The following SORCS3 variants were observed in gnomAD, a reference collection of about 807,000 sequenced individuals.
SORCS3 encodes sortilin related VPS10 domain containing receptor 3, also known as VPS10 domain-containing receptor SorCS3.
SORCS3 carries 57 observed loss-of-function variants against 146.3 expected under a neutral mutation model. That is an observed-to-expected ratio of 0.39 (90% confidence interval 0.31 to 0.49). The LOEUF (loss-of-function observed/expected upper bound fraction) is 0.49. Among genes scored for constraint, SORCS3 ranks in the 20% least tolerant of loss-of-function variants. The pLI is 0.92. For synonymous variants in SORCS3, 653 were observed against 618.5 expected (o/e 1.06, Z -0.83); for missense variants, 1,341 against 1,575.5 (o/e 0.85, Z 2.52).
At chr10:104,693,711 T>A (rs902684911) in intron 1 of SORCS3, among the ~76,000 whole-genome samples, 1 of 152,166 alleles carries the variant, frequency 6.6e-6, no homozygotes, top group African/African-American at 2.4e-5. Flanking sequence ...GCTTCAGGAA[T>A]AACAGGTCCA....
At chr10:104,922,114 A>T (rs1026756960) in intron 3 of SORCS3, among the ~76,000 whole-genome samples, 3 of 152,310 alleles carry the variant, frequency 2.0e-5, no homozygotes, top group South Asian at 2.1e-4. Context: ...TGGATACAAC[A>T]CATAACCCTG....
At chr10:104,878,458 T>C (rs2018598536) in intron 2 of SORCS3, among the ~76,000 whole-genome samples, 1 of 152,200 alleles carries the variant, frequency 6.6e-6, no homozygotes, top group African/African-American at 2.4e-5. Context: ...AGGTACTTGA[T>C]GTTCAAGAAG....
intron 20 of SORCS3, among the ~76,000 whole-genome samples, chr10:105,244,475 G>A (rs558858719): frequency 1.1e-4 from 17 of 152,088 alleles, no homozygotes; most frequent in African/African-American, 4.1e-4. Context: ...GGTCTACAGT[G>A]GGATTGGAGT....
chr10:104,853,820 A>G (rs2018300154), intron 2 of SORCS3, among the ~76,000 whole-genome samples: 1 of 152,220 alleles, frequency 6.6e-6, no homozygotes, highest in South Asian at 2.1e-4. Context: ...AATATGTACA[A>G]TTTTAAAGAA....
At chr10:104,908,476 T>TA in intron 2 of SORCS3, among the ~76,000 whole-genome samples, 1 of 152,328 alleles carries the variant, frequency 6.6e-6, no homozygotes, top group East Asian at 1.9e-4. Flanking sequence ...AGGTATCTTA[T>TA]TACTCTTCAT....
chr10:105,017,339 A>G (rs1478370248), intron 4 of SORCS3, among the ~76,000 whole-genome samples: 1 of 152,176 alleles, frequency 6.6e-6, no homozygotes, highest in Non-Finnish European at 1.5e-5. Context: ...GTGAAAGAAT[A>G]GGAAGGTGGT....
At chr10:104,707,770 A>G (rs1337585127) in intron 1 of SORCS3, among the ~76,000 whole-genome samples, 2 of 152,182 alleles carry the variant, frequency 1.3e-5, no homozygotes, top group South Asian at 2.1e-4. Flanking sequence ...CCTCCTGCCT[A>G]TTTCCGAAAC....
chr10:105,098,812 C>T (rs1037231909), intron 6 of SORCS3, among the ~76,000 whole-genome samples: 15 of 152,202 alleles, frequency 9.9e-5, no homozygotes, highest in Middle Eastern at 3.2e-3. Context: ...TATTCAGGGT[C>T]AGTTTATTTA....
chr10:104,908,328 C>T (rs1459383192), intron 2 of SORCS3, among the ~76,000 whole-genome samples: 7 of 152,136 alleles, frequency 4.6e-5, no homozygotes, highest in Middle Eastern at 3.2e-3. Flanking sequence ...TGTGCCTCAC[C>T]CCTATTAAGT....
At chr10:105,194,836 C>T (rs1589682683) in intron 14 of SORCS3, among the ~76,000 whole-genome samples, 1 of 152,126 alleles carries the variant, frequency 6.6e-6, no homozygotes, top group Non-Finnish European at 1.5e-5. Flanking sequence ...GGGCCAGCAA[C>T]ATCAGCATCA....
chr10:104,829,831 A>AT (rs1160440050), intron 1 of SORCS3, among the ~76,000 whole-genome samples: 1 of 152,042 alleles, frequency 6.6e-6, no homozygotes, highest in Non-Finnish European at 1.5e-5. Flanking sequence ...TCTCCTTGAT[A>AT]TCCTTGTATC....
intron 8 of SORCS3, among the ~76,000 whole-genome samples, chr10:105,141,731 T>C (rs534607220): frequency 5.3e-5 from 8 of 152,264 alleles, no homozygotes; most frequent in African/African-American, 1.9e-4. Flanking sequence ...GTTGGTGCTC[T>C]TAGTCCAACA....
intron 16 of SORCS3, among the ~76,000 whole-genome samples, chr10:105,209,965 G>A (rs1443674091): frequency 6.6e-6 from 1 of 152,070 alleles, no homozygotes; most frequent in Non-Finnish European, 1.5e-5. Flanking sequence ...CCCAAAGACT[G>A]AAAAACCTTT....
At chr10:105,013,349 A>G (rs149614626) in intron 4 of SORCS3, among the ~76,000 whole-genome samples, 1 of 152,236 alleles carries the variant, frequency 6.6e-6, no homozygotes, top group African/African-American at 2.4e-5. Flanking sequence ...GATACTCAGA[A>G]CCACAGCTTT....
intron 1 of SORCS3, chr10:104,665,506 T>C (rs773372418): frequency 6.6e-6 from 1 of 152,218 alleles, no homozygotes; most frequent in Admixed American, 6.5e-5. Flanking sequence ...AGAAAAAACA[T>C]GGCCTGTGAC....
chr10:105,013,871 C>T (rs2055148824), intron 4 of SORCS3, among the ~76,000 whole-genome samples: 1 of 151,894 alleles, frequency 6.6e-6, no homozygotes, highest in South Asian at 2.1e-4. Context: ...AAACCAGACT[C>T]ACCTGAAGAG....
chr10:105,022,366 C>T (rs1363142384), intron 4 of SORCS3, among the ~76,000 whole-genome samples: 5 of 148,394 alleles, frequency 3.4e-5, no homozygotes, highest in Non-Finnish European at 5.9e-5. Context: ...GGGGCAATCT[C>T]GGCTCATTGC....
intron 4 of SORCS3, among the ~76,000 whole-genome samples, chr10:105,015,352 CT>C (rs1217558279): frequency 6.6e-6 from 1 of 152,132 alleles, no homozygotes; most frequent in Non-Finnish European, 1.5e-5. Context: ...AGCAAAAAGG[CT>C]GGAAGTAACT....
chr10:105,077,523 C>T (rs1308288158), intron 5 of SORCS3, among the ~76,000 whole-genome samples: 3 of 12,114 alleles, frequency 2.5e-4, no homozygotes, highest in Non-Finnish European at 1.9e-3. Flanking sequence ...CTAAATTAAA[C>T]ACACACACAC....
Sources: allele counts gnomAD v4.1 joint callset (sites outside exome capture counted in the v4.1 genomes callset), GRCh38; gene constraint gnomAD v4.1.1; transcripts MANE v1.5; gene names NCBI Gene and HGNC (gene_info 2026-07-23, HGNC 2026-07-21).